CLTC: variants seen among roughly 807,000 people sequenced by gnomAD.
The protein encoded by CLTC is clathrin heavy chain, also known as clathrin heavy chain 1.
A neutral mutation model predicts 195.8 loss-of-function variants in CLTC; 16 were observed. The observed-to-expected ratio is 0.08, with a 90% confidence interval of 0.06 to 0.12. The LOEUF is 0.12. Ranked by LOEUF, CLTC falls within the 10% of genes least tolerant of loss-of-function variation. The pLI is 1.00. For synonymous variants in CLTC, 667 were observed against 689.4 expected, an observed-to-expected ratio of 0.97 and a Z score of 0.51; for missense variants, 796 against 2,027.0, an observed-to-expected ratio of 0.39 and a Z score of 11.66.
chr17:59,630,214 C>CT (rs1488821152), intron 1 of CLTC, among the ~76,000 whole-genome samples: 2 of 151,724 alleles, frequency 1.3e-5, no homozygotes, highest in African/African-American at 4.8e-5. Flanking sequence ...GTTGCCCAGG[C>CT]TGGCCTCGAA....
At chr17:59,631,567 G>C (rs2031716426) in intron 1 of CLTC, among the ~76,000 whole-genome samples, 1 of 152,182 alleles carries the variant, frequency 6.6e-6, no homozygotes, top group South Asian at 2.1e-4. Flanking sequence ...TGTAATAACA[G>C]AAAACATACA....
In CLTC at chr17:59,620,067, G is replaced by A. The variant is rs2031312771; in HGVS notation, c.-65G>A. On this transcript the variant is annotated 5_prime_UTR_variant, in exon 1 of 32. Coordinates refer to ENST00000269122, the MANE Select transcript of CLTC (RefSeq NM_004859.4). ...TCCCCTTCTCCTCCTCTCCCTTGGA[G>A]AGCCCGGGCAGCCACTGCCCCGCAG... 6.6e-7 allele frequency: 1 copy of A among 1,525,698 alleles called. No individual in the cohort carries two copies. The allele number at this position is 1,525,698 out of a possible 1,614,324, so 94.5% of individuals were successfully genotyped here.
At chr17:59,671,506 T>C (rs2032847531) in intron 14 of CLTC, among the ~76,000 whole-genome samples, 5 of 152,154 alleles carry the variant, frequency 3.3e-5, no homozygotes, top group African/African-American at 9.7e-5. Flanking sequence ...ATAAAGAGAT[T>C]GGTAGAACAT....
chr17:59,661,723 AC>A, intron 8 of CLTC, 80 bp downstream of exon 8: 1 of 1,182,170 alleles, frequency 8.5e-7, no homozygotes, highest in Non-Finnish European at 1.2e-6. Flanking sequence ...TTTAGGCTGC[AC>A]CACAATGTCT....
intron 4 of CLTC, among the ~76,000 whole-genome samples, chr17:59,649,778 C>A (rs1159961218): frequency 2.0e-5 from 3 of 152,110 alleles, no homozygotes; most frequent in Non-Finnish European, 4.4e-5. Flanking sequence ...GCTACCAACA[C>A]CTCAATGTGA....
rs2033391759 is a variant in CLTC, at chr17:59,695,162, G to GTATC, written c.*1312_*1315dup. The stretch of plus-strand genomic sequence containing the variant: ...AATTATAAAGGTGCCCAAATTATGG[G>GTATC]TATCTTGATTTTTTTCAAAAATTGG... On this transcript the variant is annotated 3_prime_UTR_variant, in exon 32 of 32. Coordinates refer to ENST00000269122, the MANE Select transcript of CLTC (RefSeq NM_004859.4). 1.5e-5 allele frequency: 3 copies of GTATC among 201,376 alleles called. No individual in the cohort carries two copies. The East Asian group carries it at 2.3e-4, about 16-fold the overall frequency. The allele number at this position is 201,376 out of a possible 1,614,324, so 12.5% of individuals were successfully genotyped here.
Position 59,647,538 on chromosome 17 carries a change from A to C in CLTC, c.391A>C (p.Ser131Arg). ...TACGGATAATGCAGTTTATCACTGG[A>C]GTATGGAAGGAGAGTCTCAGCCAGT... ...LVTDNAVYHW[S>R]MEGESQPVKM... Residue 131 changes from serine to arginine, a missense_variant, in exon 3 of 32, where the codon AGT (serine) becomes CGT (arginine). Around this residue, in one of 9 missense-constraint regions of CLTC, gnomAD observed 293 missense variants for 795.6 expected, o/e 0.37. Transcript: ENST00000269122. 1 of 1,614,172 alleles carries C rather than the reference A, an allele frequency of 6.2e-7. No homozygotes were observed. The highest frequency in any genetic ancestry group is 8.5e-7 in the Non-Finnish European group (1 of 1,180,028).
In CLTC at chr17:59,666,066, T is replaced by C. The variant is rs1229220497; in HGVS notation, c.1645-37T>C. On this transcript the variant is annotated intron_variant, in intron 10 of 31. Transcript: ENST00000269122. This position sits in a 1 kb window ranked among gnomAD's most constrained non-coding sequence, Gnocchi z 4.9. ...AATTTTGTCTACATACTCTCCATAG[T>C]ATCTTAAAACAATTTCTTTTAAATC... 2.7e-6 allele frequency: 4 copies of C among 1,508,992 alleles called. No individual in the cohort carries two copies. Among genetic ancestry groups the C allele is most frequent in the Non-Finnish European group, 3.7e-6 (4 of 1,090,772 alleles). 93.5% of individuals were successfully genotyped at this position (1,508,992 alleles called of 1,614,324 possible).
chr17:59,693,898 C>T lies in CLTC; in HGVS notation c.*46C>T, dbSNP rs768560254. 62 of 1,532,230 alleles carry T rather than the reference C, an allele frequency of 4.0e-5. No homozygotes were observed. The highest frequency in any genetic ancestry group is 5.0e-5 in the Non-Finnish European group (57 of 1,136,452). 94.9% of individuals were successfully genotyped at this position (1,532,230 alleles called of 1,614,324 possible). A position where few individuals can be genotyped will look rare whatever the true frequency, so the allele number is the denominator to read the frequency against. On this transcript the variant is annotated 3_prime_UTR_variant, in exon 32 of 32. Transcript: ENST00000269122. ...GTCACCTATTTTCGTACTGAAACAT[C>T]GTCTTTACCCACTTCTCAGTTTATA...
chr17:59,649,445 T>C (rs1201065908), intron 4 of CLTC, among the ~76,000 whole-genome samples: 1 of 152,332 alleles, frequency 6.6e-6, no homozygotes, highest in East Asian at 1.9e-4. Flanking sequence ...CCACATCTTA[T>C]GTCTGAGAGG....
At chr17:59,641,009 C>T (rs2032013964) in intron 1 of CLTC, among the ~76,000 whole-genome samples, 1 of 151,462 alleles carries the variant, frequency 6.6e-6, no homozygotes, top group Non-Finnish European at 1.5e-5. Context: ...GTCCCAGCTA[C>T]TTGGGAGGCT....
At chr17:59,628,203 A>G (rs2031607522) in intron 1 of CLTC, among the ~76,000 whole-genome samples, 1 of 152,212 alleles carries the variant, frequency 6.6e-6, no homozygotes, top group Admixed American at 6.5e-5. Context: ...ATATTTTGTC[A>G]CATTAAAAAA....
At position 59,682,577 on chromosome 17, in the gene CLTC, AT is replaced by A; in HGVS notation, c.3601-50del. 6.3e-7 allele frequency: 1 copy of A among 1,598,578 alleles called. No individual in the cohort carries two copies. Among genetic ancestry groups the A allele is most frequent in the Non-Finnish European group, 8.5e-7 (1 of 1,170,084 alleles). ...GTGAAGATATCAATTTGAAAAGAGG[AT>A]TAAGCTCACACTAATATCTTGCTGA... On this transcript the variant is annotated intron_variant, in intron 22 of 31. Transcript: ENST00000269122. This position sits in a 1 kb window ranked among gnomAD's most constrained non-coding sequence, Gnocchi z 6.8.
At chr17:59,642,328 C>G (rs1229853614) in intron 1 of CLTC, among the ~76,000 whole-genome samples, 2 of 152,156 alleles carry the variant, frequency 1.3e-5, no homozygotes, top group Non-Finnish European at 2.9e-5. Context: ...CTCCGACTTC[C>G]TCAAACACTG....
rs577032360 is a variant in CLTC, at chr17:59,662,017, C to T, written c.1368+374C>T. ...ACTTGGGAGGCTGAGGCAGGAGAAT[C>T]ACTTGAACCCGGGAGGTAGAGGTTG... On this transcript the variant is annotated intron_variant, in intron 8 of 31. Coordinates refer to ENST00000269122, the MANE Select transcript of CLTC (RefSeq NM_004859.4). Among the ~76,000 whole-genome samples the T allele has an allele frequency of 7.2e-5, 11 of 151,736 alleles. No homozygotes were observed. The East Asian group carries it at 1.9e-3, about 27-fold the overall frequency.
intron 1 of CLTC, among the ~76,000 whole-genome samples, chr17:59,628,825 AT>A (rs970851316): frequency 9.9e-5 from 15 of 151,696 alleles, no homozygotes; most frequent in African/African-American, 3.4e-4. Flanking sequence ...GGCCTGGCGA[AT>A]TTTTTTTGTA....
Position 59,666,744 on chromosome 17 carries a change from T to C in CLTC, c.1948-53T>C. The C allele has an allele frequency of 6.4e-7, 1 of 1,565,546 alleles. No individual in the cohort carries two copies. Among genetic ancestry groups the C allele is most frequent in the Non-Finnish European group, 8.7e-7 (1 of 1,144,550 alleles). ...AAATATTAATAATTTCATACCACCATGAGGTTCAACATTATTTCATTTATT... is the reference window on the plus strand; with the variant it reads ...AAATATTAATAATTTCATACCACCACGAGGTTCAACATTATTTCATTTATT... On this transcript the variant is annotated intron_variant, in intron 12 of 31. Transcript: ENST00000269122. This position sits in a 1 kb window ranked among gnomAD's most constrained non-coding sequence, Gnocchi z 4.9.
chr17:59,661,821 C>G (rs958983314), intron 8 of CLTC, among the ~76,000 whole-genome samples, 178 bp downstream of exon 8: 1 of 151,822 alleles, frequency 6.6e-6, no homozygotes, highest in African/African-American at 2.4e-5. Context: ...TATATTTTTT[C>G]GCCGGGCATG....
chr17:59,620,556 C>T (rs2031338451), intron 1 of CLTC, among the ~76,000 whole-genome samples: 1 of 147,800 alleles, frequency 6.8e-6, no homozygotes, highest in South Asian at 2.3e-4. Context: ...ATCCCCTGGG[C>T]CAGTGCGGGG....
Sources: gnomAD v4.1 joint callset for allele counts (sites outside exome capture counted in the v4.1 genomes callset) on GRCh38, gnomAD v4.1.1 for gene constraint, gnomAD v4.1.1 regional missense constraint, Gnocchi (gnomAD v3.1) non-coding constraint, MANE v1.5 for transcripts, NCBI Gene and HGNC (gene_info 2026-07-23, HGNC 2026-07-21) for gene names.